Variants in DAB1 observed in about 807,000 individuals in gnomAD.
DAB1 encodes disabled homolog 1.
Under a neutral mutation model 64.6 loss-of-function variants are expected in DAB1, and 15 were observed. The observed-to-expected ratio is 0.23, with a 90% confidence interval of 0.16 to 0.36. The LOEUF is 0.36. Among genes scored for constraint, DAB1 ranks in the 10% least tolerant of loss-of-function variants. DAB1 has a pLI of 1.00. For missense variants in DAB1, 596 were observed against 706.7 expected (o/e 0.84, Z 1.78); for synonymous variants, 235 against 251.9 (o/e 0.93, Z 0.64).
chr1:58,208,912 C>G (rs1658415081), intron 4 of DAB1, among the ~76,000 whole-genome samples: 5 of 152,206 alleles, frequency 3.3e-5, no homozygotes, highest in Middle Eastern at 3.4e-3. Flanking sequence ...CCCTCCACCC[C>G]CTAAAACGAC....
intron 7 of DAB1, among the ~76,000 whole-genome samples, chr1:57,582,712 G>A (rs1645328432): frequency 1.3e-5 from 2 of 152,208 alleles, no homozygotes; most frequent in Non-Finnish European, 2.9e-5. Flanking sequence ...CGCTCCACAG[G>A]GTCCGATGCC....
chr1:57,174,610 C>A (rs1186750426), intron 2 of DAB1, among the ~76,000 whole-genome samples: 3 of 152,120 alleles, frequency 2.0e-5, no homozygotes, highest in African/African-American at 4.8e-5. Flanking sequence ...TATTTATATG[C>A]TTTACTTTAC....
intron 4 of DAB1, among the ~76,000 whole-genome samples, chr1:57,116,105 A>G (rs550548085): frequency 6.6e-6 from 1 of 152,276 alleles, no homozygotes; most frequent in South Asian, 2.1e-4. Flanking sequence ...GACTGTGTCC[A>G]AAAACTGTTG....
At chr1:57,171,646 G>A (rs1311935773) in intron 2 of DAB1, among the ~76,000 whole-genome samples, 1 of 152,140 alleles carries the variant, frequency 6.6e-6, no homozygotes, top group East Asian at 1.9e-4. Flanking sequence ...GCACTACCCA[G>A]AGGATTAAAA....
intron 5 of DAB1, among the ~76,000 whole-genome samples, chr1:57,911,006 G>A (rs1644636152): frequency 1.3e-5 from 2 of 152,190 alleles, no homozygotes; most frequent in African/African-American, 2.4e-5. Flanking sequence ...GAAATATGTA[G>A]GAGCAGCTAT....
intron 4 of DAB1, among the ~76,000 whole-genome samples, chr1:58,234,327 C>T (rs1220276099): frequency 6.6e-6 from 1 of 152,166 alleles, no homozygotes; most frequent in Non-Finnish European, 1.5e-5. Flanking sequence ...TCTGGCACTC[C>T]CAGACAGGTA....
intron 3 of DAB1, among the ~76,000 whole-genome samples, chr1:58,430,086 C>T (rs538436265): frequency 4.7e-4 from 71 of 152,272 alleles, no homozygotes; most frequent in Admixed American, 3.7e-3. Flanking sequence ...TAATCACCTC[C>T]TAAAGGCCCC....
At chr1:57,467,101 C>G (rs887504173) in intron 7 of DAB1, among the ~76,000 whole-genome samples, 1 of 152,136 alleles carries the variant, frequency 6.6e-6, no homozygotes, top group Non-Finnish European at 1.5e-5. Flanking sequence ...TCGTAGAATT[C>G]TGACTACCCA....
intron 4 of DAB1, among the ~76,000 whole-genome samples, chr1:58,200,850 T>C (rs185440611): frequency 6.6e-6 from 1 of 152,304 alleles, no homozygotes; most frequent in African/African-American, 2.4e-5. Context: ...TGTTTAAAAC[T>C]AACTAGTATT....
chr1:58,226,131 T>C (rs1659468625), intron 4 of DAB1, among the ~76,000 whole-genome samples: 1 of 152,154 alleles, frequency 6.6e-6, no homozygotes, highest in Admixed American at 6.5e-5. Flanking sequence ...ATTCTAGCTC[T>C]GGCCATCTCC....
chr1:58,145,939 C>T (rs1654565459), intron 5 of DAB1, among the ~76,000 whole-genome samples: 1 of 152,188 alleles, frequency 6.6e-6, no homozygotes, highest in South Asian at 2.1e-4. Flanking sequence ...AACCCCTCCT[C>T]CTTCTCCTCA....
intron 4 of DAB1, among the ~76,000 whole-genome samples, chr1:57,109,212 C>G (rs554283228): frequency 5.9e-5 from 9 of 152,174 alleles, no homozygotes; most frequent in Non-Finnish European, 1.2e-4. Context: ...ATTCTGAGGA[C>G]CAGCAGCCAG....
At chr1:57,599,796 T>A (rs1645554915) in intron 7 of DAB1, among the ~76,000 whole-genome samples, 1 of 152,126 alleles carries the variant, frequency 6.6e-6, no homozygotes, top group African/African-American at 2.4e-5. Context: ...CCGGTGCCTG[T>A]AGCCCTTTGT....
chr1:58,100,045 C>T (rs764607956), intron 5 of DAB1, among the ~76,000 whole-genome samples: 5 of 152,132 alleles, frequency 3.3e-5, no homozygotes, highest in Non-Finnish European at 5.9e-5. Flanking sequence ...TTCTGTCAAG[C>T]TTTATTTTTG....
chr1:58,097,138 A>T (rs977536424), intron 5 of DAB1, among the ~76,000 whole-genome samples: 3 of 152,232 alleles, frequency 2.0e-5, no homozygotes, highest in Non-Finnish European at 2.9e-5. Flanking sequence ...TGGCCCTCTC[A>T]TACATGCTTT....
chr1:57,941,195 G>A (rs929824178), intron 5 of DAB1, among the ~76,000 whole-genome samples: 1 of 152,166 alleles, frequency 6.6e-6, no homozygotes, highest in South Asian at 2.1e-4. Context: ...GGACTCAAGC[G>A]CAGATTTGGG....
chr1:57,976,678 G>A (rs369058246), intron 5 of DAB1, among the ~76,000 whole-genome samples: 3 of 152,090 alleles, frequency 2.0e-5, no homozygotes, highest in Non-Finnish European at 4.4e-5. Context: ...TCTCTGCACC[G>A]AAAAAGAAAG....
intron 5 of DAB1, among the ~76,000 whole-genome samples, chr1:57,980,543 G>A (rs188714978): frequency 6.6e-6 from 1 of 152,064 alleles, no homozygotes; most frequent in Non-Finnish European, 1.5e-5. Context: ...ATGCTTTCTT[G>A]CCCCTATCCC....
At chr1:57,462,871 AG>A (rs1438581471) in intron 7 of DAB1, among the ~76,000 whole-genome samples, 1 of 152,190 alleles carries the variant, frequency 6.6e-6, no homozygotes, top group Non-Finnish European at 1.5e-5. Context: ...GCCTAACAAC[AG>A]AGTTCAGAGG....
Sources: allele counts gnomAD v4.1 joint callset (sites outside exome capture counted in the v4.1 genomes callset), GRCh38; gene constraint gnomAD v4.1.1; transcripts MANE v1.5; gene names NCBI Gene and HGNC (gene_info 2026-07-23, HGNC 2026-07-21).